The following FAM193B variants were observed in gnomAD, a reference collection of about 807,000 sequenced individuals.
FAM193B encodes the protein protein FAM193B.
Under a neutral mutation model 70.7 loss-of-function variants are expected in FAM193B, and 27 were observed. The observed-to-expected ratio is 0.38, with a 90% confidence interval of 0.28 to 0.53. FAM193B has a LOEUF of 0.53. FAM193B is among the 20% of genes least tolerant of loss of function. The pLI is 0.81. For synonymous variants in FAM193B, 448 were observed against 436.0 expected, an observed-to-expected ratio of 1.03 and a Z score of -0.34; for missense variants, 1,022 against 1,072.5, an observed-to-expected ratio of 0.95 and a Z score of 0.66.
At chr5:177,528,544 C>T (rs1762973487) in intron 5 of FAM193B, among the ~76,000 whole-genome samples, 2 of 152,138 alleles carry the variant, frequency 1.3e-5, no homozygotes, top group Non-Finnish European at 2.9e-5. Flanking sequence ...CAAGAAAGTA[C>T]CGCACAGGCC....
chr5:177,550,603 C>T (rs1223613423), intron 1 of FAM193B, among the ~76,000 whole-genome samples: 1 of 152,166 alleles, frequency 6.6e-6, no homozygotes, highest in African/African-American at 2.4e-5. Flanking sequence ...GAGTTCACCT[C>T]TCCTCACCAA....
intron 5 of FAM193B, among the ~76,000 whole-genome samples, chr5:177,528,786 G>C (rs1479668819): frequency 6.6e-6 from 1 of 152,126 alleles, no homozygotes; most frequent in Non-Finnish European, 1.5e-5. Flanking sequence ...AGGAAGCCCA[G>C]GGAACCATGA....
intron 1 of FAM193B, among the ~76,000 whole-genome samples, chr5:177,545,655 T>C (rs1262052926): frequency 1.3e-5 from 1 of 78,884 alleles, no homozygotes; most frequent in Non-Finnish European, 2.3e-5. Context: ...TGAGAGCCTG[T>C]CTCAAAAAAA....
chr5:177,527,361 G>C (rs749028933), intron 5 of FAM193B, among the ~76,000 whole-genome samples: 1 of 152,218 alleles, frequency 6.6e-6, no homozygotes, highest in Admixed American at 6.5e-5. Context: ...GTTTGTGCCC[G>C]AGGGCAATGT....
rs376950955 is a variant in FAM193B at position 177,524,827 on chromosome 5, C to T, written c.1654G>A (p.Glu552Lys). The change falls in exon 6 of 9, where the codon GAG becomes AAG. Residue 552 changes from glutamate to lysine, a missense_variant. Coordinates refer to ENST00000514747, the MANE Select transcript of FAM193B (RefSeq NM_001190946.3). ...PQNHTLQAPG[E>K]PAPPWAEMRG... ...ATTTCTGCCCATGGTGGGGCTGGCT[C>T]GCCTGGAGCTTGTAACGTGTGGTTC... The T allele has an allele frequency of 1.8e-5, 27 of 1,510,014 alleles. No homozygotes were observed. In the African/African-American group the frequency reaches 1.8e-4, roughly 10 times the overall value. The allele number at this position is 1,510,014 out of a possible 1,614,324, so 93.5% of individuals were successfully genotyped here.
rs748274925 is a variant in FAM193B at position 177,521,981 on chromosome 5, AGCTGT to A, written c.2458_2462del (p.Thr820SerfsTer8). ...CTCTTGGGGTCTCTGTACCTCACTG[AGCTGT>A]GCTAGGAGTGGTTTTCTTGAGGCTG... is the stretch of plus-strand genomic sequence containing the variant. On this transcript the variant is annotated frameshift_variant, in exon 8 of 9. Transcript: ENST00000514747. LOFTEE classifies it high-confidence loss of function. 2.2e-5 allele frequency: 36 copies of A among 1,613,538 alleles called. No homozygotes were observed. Among genetic ancestry groups the A allele is most frequent in the Non-Finnish European group, 4.2e-6 (5 of 1,179,614 alleles).
intron 1 of FAM193B, among the ~76,000 whole-genome samples, chr5:177,552,393 G>A (rs774676299): frequency 6.6e-6 from 1 of 152,256 alleles, no homozygotes; most frequent in Non-Finnish European, 1.5e-5. Context: ...AAGTAGTGGA[G>A]TAGGTAAGAA....
At chr5:177,550,295 A>C (rs1348487815) in intron 1 of FAM193B, among the ~76,000 whole-genome samples, 4 of 152,214 alleles carry the variant, frequency 2.6e-5, no homozygotes, top group Non-Finnish European at 5.9e-5. Context: ...CCTCCTACTG[A>C]CAATGGAAGT....
rs144161370 is a variant in FAM193B at position 177,524,223 on chromosome 5, C to T, written c.2258G>A (p.Arg753Gln). Residue 753 changes from arginine (R) to glutamine (Q), a missense_variant, in exon 6 of 9, where the codon CGG (arginine) becomes CAG (glutamine). Coordinates refer to ENST00000514747, the MANE Select transcript of FAM193B (RefSeq NM_001190946.3). Reference protein sequence around the residue: ...SLPQGKGRSRRSRNKQEKPAS... With the variant: ...SLPQGKGRSRQSRNKQEKPAS... ...TGGCTTCTCCTGCTTGTTGCGGCTC[C>T]GGCGGCTGCGGCCCTTGCCCTGGGG... The T allele has an allele frequency of 1.1e-5, 17 of 1,545,780 alleles. No homozygotes were observed. The highest frequency in any genetic ancestry group is 3.7e-5 in the South Asian group (3 of 80,824).
intron 1 of FAM193B, among the ~76,000 whole-genome samples, chr5:177,548,286 G>A (rs1018072794): frequency 6.6e-6 from 1 of 152,168 alleles, no homozygotes; most frequent in Non-Finnish European, 1.5e-5. Flanking sequence ...GCTTTTCAAG[G>A]GCAGAGCCTG....
intron 5 of FAM193B, chr5:177,531,903 T>A: frequency 8.4e-7 from 1 of 1,193,036 alleles, no homozygotes; most frequent in Non-Finnish European, 1.1e-6. Context: ...TACTTTCATT[T>A]CTTCTATCCT....
At position 177,538,835 on chromosome 5, in the gene FAM193B, C is replaced by T; in HGVS notation, c.453+70G>A. ...CTGCCCAAGGAGAGCCACCTGAGGA[C>T]AGGGAACAGCCTGACTTCCTTGGGG... On this transcript the variant is annotated intron_variant, in intron 2 of 8. Transcript: ENST00000514747. The surrounding 1 kb of genome is among the most constrained non-coding windows in gnomAD (Gnocchi z 4.1). The T allele has an allele frequency of 6.3e-7, 1 of 1,585,436 alleles. No homozygotes were observed. Among genetic ancestry groups the T allele is most frequent in the Non-Finnish European group, 8.6e-7 (1 of 1,162,652 alleles).
chr5:177,529,275 T>C (rs1763098493), intron 5 of FAM193B, among the ~76,000 whole-genome samples: 1 of 149,080 alleles, frequency 6.7e-6, no homozygotes, highest in Admixed American at 6.7e-5. Context: ...GGGCTGGCAG[T>C]GGGAGAAGGG....
intron 1 of FAM193B, among the ~76,000 whole-genome samples, chr5:177,546,136 T>C (rs902637111): frequency 3.3e-5 from 5 of 152,254 alleles, no homozygotes; most frequent in Non-Finnish European, 7.3e-5. Flanking sequence ...TCATTCAACA[T>C]TGTCAGAGTC....
At chr5:177,549,780 C>T (rs1765959027) in intron 1 of FAM193B, among the ~76,000 whole-genome samples, 2 of 152,224 alleles carry the variant, frequency 1.3e-5, no homozygotes, top group African/African-American at 4.8e-5. Context: ...CTGGGCATCA[C>T]AGCATGCGAA....
chr5:177,537,278 T>G (rs201001110), intron 3 of FAM193B, among the ~76,000 whole-genome samples: 1 of 152,270 alleles, frequency 6.6e-6, no homozygotes, highest in East Asian at 1.9e-4. Context: ...CAGACCCACT[T>G]TGAAGAACTC....
At chr5:177,525,374 G>A in intron 5 of FAM193B, 169 bp from the exon 6 acceptor site, 1 of 533,910 alleles carries the variant, frequency 1.9e-6, no homozygotes, top group Non-Finnish European at 3.0e-6. Flanking sequence ...ACTGCAGCCA[G>A]ACAGGTACAT....
intron 1 of FAM193B, chr5:177,539,380 A>G (rs1764577786): frequency 2.0e-6 from 1 of 504,996 alleles, no homozygotes; most frequent in African/African-American, 1.9e-5. Context: ...CAAGGTTAAA[A>G]GCTAGCGAGT....
chr5:177,526,532 T>TA (rs538618277), intron 5 of FAM193B, among the ~76,000 whole-genome samples: 22 of 142,054 alleles, frequency 1.5e-4, no homozygotes, highest in East Asian at 2.0e-4. Context: ...GTTTGGCTGC[T>TA]AAAAAAAAAA....
Sources: gnomAD v4.1 joint callset for allele counts (sites outside exome capture counted in the v4.1 genomes callset) on GRCh38, gnomAD v4.1.1 for gene constraint, Gnocchi (gnomAD v3.1) non-coding constraint, MANE v1.5 for transcripts, NCBI Gene and HGNC (gene_info 2026-07-23, HGNC 2026-07-21) for gene names.